BRD8: variants seen among roughly 807,000 people sequenced by gnomAD.
BRD8 encodes the protein bromodomain-containing protein 8.
In BRD8, 67 loss-of-function variants were observed where a neutral mutation model predicts 143.1. The observed-to-expected ratio is 0.47, with a 90% CI of 0.38 to 0.57. The LOEUF is 0.57. BRD8 is among the 20% of genes least tolerant of loss of function. BRD8 has a pLI of 0.00. For missense variants in BRD8, 1,103 were observed against 1,503.0 expected (o/e 0.73, Z 4.40); for synonymous variants, 505 against 517.1 (o/e 0.98, Z 0.32).
At position 138,165,785 on chromosome 5, in the gene BRD8, T is replaced by A. The variant is rs758487186; in HGVS notation, c.1278+43A>T. On this transcript the variant is annotated intron_variant, in intron 11 of 26. Coordinates refer to ENST00000254900, the MANE Select transcript of BRD8 (RefSeq NM_139199.2). ...AAGTGAGGCTGAAAAGAGAAGCCTATGTAGGACCCATGAGATTCTCTGGGG... is the reference window on the plus strand; with the variant it reads ...AAGTGAGGCTGAAAAGAGAAGCCTAAGTAGGACCCATGAGATTCTCTGGGG... The A allele has an allele frequency of 2.5e-6, 4 of 1,579,184 alleles. No homozygotes were observed. In the African/African-American group the frequency reaches 5.5e-5, roughly 22 times the overall value.
intron 4 of BRD8, 45 bp downstream of exon 4, chr5:138,171,316 T>C: frequency 6.6e-7 from 1 of 1,515,852 alleles, no homozygotes; most frequent in Non-Finnish European, 9.1e-7. Context: ...CAGTAAATAC[T>C]CTCCACTAAA....
intron 7 of BRD8, 110 bp from the exon 8 acceptor site, chr5:138,169,468 A>T: frequency 8.0e-7 from 1 of 1,242,850 alleles, no homozygotes; most frequent in Non-Finnish European, 1.1e-6. Flanking sequence ...GCATTACTAA[A>T]GCAGCATAAT....
At chr5:138,154,733 G>C (rs1752508245) in intron 20 of BRD8, among the ~76,000 whole-genome samples, 6 of 152,048 alleles carry the variant, frequency 3.9e-5, no homozygotes, top group Admixed American at 2.0e-4. Flanking sequence ...TATTAGACCA[G>C]GCTCCAGTGT....
At position 138,145,813 on chromosome 5, in the gene BRD8, A is replaced by G. The variant is rs1285613345; in HGVS notation, c.3344T>C (p.Val1115Ala). The G allele has an allele frequency of 6.2e-7, 1 of 1,614,088 alleles. No individual in the cohort carries two copies. ...CCTGTGACTGGCAATCATCTTCCAG[A>G]CTGGCAGGAGAGTCTTCTTAAATAG... ...HLLFKKTLLP[V>A]WKMIASHRFS... is the part of the protein sequence containing the mutation. Residue 1115 changes from valine (V) to alanine (A), a missense_variant, in exon 24 of 27, where the codon GTC becomes GCC. Physicochemically the swap from Val to Ala is moderately conservative, Grantham distance 64 (BLOSUM62 0). Transcript: ENST00000254900.
Position 138,164,736 on chromosome 5 carries a change from G to A in BRD8, c.1709C>T (p.Pro570Leu), listed in dbSNP as rs775462281. Residue 570 changes from proline to leucine, a missense_variant, in exon 12 of 27, where the codon CCA (proline) becomes CTA (leucine). Pro to Leu is a moderately conservative substitution (Grantham distance 98). Coordinates refer to ENST00000254900, the MANE Select transcript of BRD8 (RefSeq NM_139199.2). Reference protein sequence around the residue: ...DVAIGKGDETPLTNVKTEASP... With the variant: ...DVAIGKGDETLLTNVKTEASP... ...TACCTCTGTCTTCACATTTGTAAGT[G>A]GAGTCTCATCGCCTTTCCCAATGGC... 6.2e-7 allele frequency: 1 copy of A among 1,614,140 alleles called. No individual in the cohort carries two copies. The highest frequency in any genetic ancestry group is 1.1e-5 in the South Asian group (1 of 91,078).
Position 138,164,091 on chromosome 5 carries a change from A to C in BRD8, c.1868T>G (p.Ile623Arg). The C allele has an allele frequency of 6.2e-7, 1 of 1,613,948 alleles. No individual in the cohort carries two copies. Among genetic ancestry groups the C allele is most frequent in the Non-Finnish European group, 8.5e-7 (1 of 1,179,820 alleles). Residue 623 changes from isoleucine (I) to arginine (R), a missense_variant, in exon 14 of 27, where the codon ATA becomes AGA. Coordinates refer to ENST00000254900, the MANE Select transcript of BRD8 (RefSeq NM_139199.2). ...EESGTIFGSQ[I>R]KDAPGEDEEE... ...ATAAAGAAAAGTCTGAAATACCTTTATCTGGCTTCCAAAAATAGTCCCTGA... is the reference window on the plus strand; with the variant it reads ...ATAAAGAAAAGTCTGAAATACCTTTCTCTGGCTTCCAAAAATAGTCCCTGA...
intron 21 of BRD8, among the ~76,000 whole-genome samples, chr5:138,151,410 A>T (rs1043153972): frequency 6.6e-6 from 1 of 152,230 alleles, no homozygotes; most frequent in Non-Finnish European, 1.5e-5. Flanking sequence ...AATGTGTTCA[A>T]TAACAGCATA....
At chr5:138,144,740 A>C (rs1752066909) in intron 25 of BRD8, among the ~76,000 whole-genome samples, 2 of 151,972 alleles carry the variant, frequency 1.3e-5, no homozygotes, top group African/African-American at 4.8e-5. Flanking sequence ...CGTTTCTACA[A>C]AAAATACAAA....
intron 22 of BRD8, 38 bp downstream of exon 22, chr5:138,150,704 CAGA>C (rs763971044): frequency 6.4e-7 from 1 of 1,563,942 alleles, no homozygotes; most frequent in South Asian, 1.2e-5. Context: ...CTTCCCTAGG[CAGA>C]AGACCAACAA....
At chr5:138,177,123 C>A (rs190803244) in intron 2 of BRD8, 1 of 150,200 alleles carries the variant, frequency 6.7e-6, no homozygotes, top group Non-Finnish European at 1.5e-5. Flanking sequence ...GGCAGTGGCT[C>A]ACGCCTGTAA....
chr5:138,153,954 G>T (rs1752473830), intron 20 of BRD8, among the ~76,000 whole-genome samples: 1 of 151,700 alleles, frequency 6.6e-6, no homozygotes. Context: ...GGGATTACAG[G>T]CGTGAGCCAC....
chr5:138,165,820 A>ATAGT lies in BRD8; in HGVS notation c.1278+4_1278+7dup, dbSNP rs778700620. On this transcript the variant is annotated splice_region_variant and intron_variant, in intron 11 of 26. Transcript: ENST00000254900. ...ATGAGATTCTCTGGGGCTTCGCTGAATAGTTACCTTGTCCTCAATGATGGC... is the reference window on the plus strand; with the variant it reads ...ATGAGATTCTCTGGGGCTTCGCTGAATAGTTAGTTACCTTGTCCTCAATGATGGC... The ATAGT allele has an allele frequency of 1.9e-6, 3 of 1,611,414 alleles. No individual in the cohort carries two copies. The highest frequency in any genetic ancestry group is 2.5e-6 in the Non-Finnish European group (3 of 1,178,242).
At chr5:138,171,188 A>T (rs749369799) in intron 4 of BRD8, 28 bp from the exon 5 acceptor site, 10 of 1,592,902 alleles carry the variant, frequency 6.3e-6, no homozygotes, top group Non-Finnish European at 8.6e-6. Context: ...AAAAAAATTC[A>T]TATTCAAATA....
rs183752782 is a variant in BRD8 at position 138,140,760 on chromosome 5, T to C, written c.3560A>G (p.His1187Arg). ...QNAVMYNDSD[H>R]HVYHMAVEMR... ...CTCCACAGCCATATGGTATACATGA[T>C]GATCAGAGTCATTGTACATTACAGC... is the stretch of plus-strand genomic sequence containing the variant. Residue 1187 changes from histidine to arginine, a missense_variant, in exon 26 of 27, where the codon CAT becomes CGT. Physicochemically the swap from His to Arg is conservative, Grantham distance 29 (BLOSUM62 0). Coordinates refer to ENST00000254900, the MANE Select transcript of BRD8 (RefSeq NM_139199.2). 3.7e-6 allele frequency: 6 copies of C among 1,614,212 alleles called. No homozygotes were observed. The highest frequency in any genetic ancestry group is 1.6e-4 in the Middle Eastern group (1 of 6,062).
intron 7 of BRD8, 26 bp downstream of exon 7, chr5:138,170,319 A>G (rs1408204384): frequency 6.7e-7 from 1 of 1,482,110 alleles, no homozygotes; most frequent in Non-Finnish European, 9.4e-7. Flanking sequence ...ATCAATTGCT[A>G]AAGAGGCATA....
chr5:138,152,929 T>C (rs1256051282), intron 20 of BRD8, among the ~76,000 whole-genome samples, 169 bp from the exon 21 acceptor site: 1 of 152,194 alleles, frequency 6.6e-6, no homozygotes, highest in Non-Finnish European at 1.5e-5. Context: ...TGAGATGAAA[T>C]TATATTTGTC....
Position 138,154,322 on chromosome 5 carries a change from T to A in BRD8, c.2578-1562A>T, listed in dbSNP as rs562062105. ...TATAATCCCTGTTCTAATTACATTT[T>A]TCTCCGTATTGCCACCCACCACCCC... On this transcript the variant is annotated intron_variant, in intron 20 of 26. Coordinates refer to ENST00000254900, the MANE Select transcript of BRD8 (RefSeq NM_139199.2). Among the ~76,000 whole-genome samples the A allele has an allele frequency of 5.3e-5, 8 of 152,304 alleles. No individual in the cohort carries two copies. The East Asian group carries it at 1.5e-3, about 29-fold the overall frequency.
Position 138,166,552 on chromosome 5 carries a change from A to G in BRD8, c.963T>C (p.Ala321=). The part of the protein sequence containing the change: ...MMPALPAPSS[A]PAVSTTESVA... ...CACTTTCAGTAGTGGAGACAGCCGG[A>G]GCAGAGGATGGTGCTGGCAGCGCAG... Residue 321 remains alanine, a synonymous_variant, in exon 10 of 27, where the codon GCT becomes GCC. Coordinates refer to ENST00000254900, the MANE Select transcript of BRD8 (RefSeq NM_139199.2). 1 of 1,613,808 alleles carries G rather than the reference A, an allele frequency of 6.2e-7. No individual in the cohort carries two copies. The highest frequency in any genetic ancestry group is 8.5e-7 in the Non-Finnish European group (1 of 1,179,816).
rs760161673 is a variant in BRD8, at chr5:138,140,112, G to T, written c.3670C>A (p.Pro1224Thr). 6.2e-6 allele frequency: 10 copies of T among 1,613,976 alleles called. No homozygotes were observed. The highest frequency in any genetic ancestry group is 7.6e-6 in the Non-Finnish European group (9 of 1,179,878). Residue 1224 changes from proline (P) to threonine (T), a missense_variant, in exon 27 of 27, where the codon CCA becomes ACA. Around this residue, in one of 7 missense-constraint regions of BRD8, gnomAD observed 369 missense variants for 445.5 expected, o/e 0.83. Coordinates refer to ENST00000254900, the MANE Select transcript of BRD8 (RefSeq NM_139199.2). ...RKGSSSLEGE[P>T]ANPVDDGKPV... The stretch of plus-strand genomic sequence containing the variant: ...TTTCCATCATCCACTGGGTTAGCTG[G>T]TTCTCCTTCCAGACTACTTGAGCCT...
Sources: gnomAD v4.1 joint callset for allele counts (sites outside exome capture counted in the v4.1 genomes callset) on GRCh38, gnomAD v4.1.1 for gene constraint, gnomAD v4.1.1 regional missense constraint, MANE v1.5 for transcripts, NCBI Gene and HGNC (gene_info 2026-07-23, HGNC 2026-07-21) for gene names.